NEBL: variants seen among roughly 807,000 people sequenced by gnomAD.
NEBL encodes the protein nebulette.
NEBL carries 122 observed loss-of-function variants against 140.2 expected under a neutral mutation model. That is an observed-to-expected ratio of 0.87 (90% confidence interval 0.75 to 1.01). NEBL has a LOEUF of 1.01. NEBL is among the 50% of genes least tolerant of loss of function. The pLI is 0.00. For synonymous variants in NEBL, 436 were observed against 398.9 expected (o/e 1.09, Z -1.11); for missense variants, 1,365 against 1,231.3 (o/e 1.11, Z -1.62).
intron 3 of NEBL, among the ~76,000 whole-genome samples, chr10:21,207,084 C>G (rs1253534191): frequency 4.2e-5 from 6 of 144,292 alleles, no homozygotes; most frequent in Non-Finnish European, 9.0e-5. Context: ...ACTAATTCTT[C>G]TGCCTCAGCC....
chr10:20,994,886 G>A (rs190873889), intron 3 of NEBL, among the ~76,000 whole-genome samples: 1 of 142,780 alleles, frequency 7.0e-6, no homozygotes, highest in African/African-American at 2.7e-5. Context: ...GGAGGTAGAG[G>A]GGGGGGTTGG....
chr10:21,129,489 T>C (rs1838999051), intron 2 of NEBL, among the ~76,000 whole-genome samples: 1 of 151,934 alleles, frequency 6.6e-6, no homozygotes, highest in Non-Finnish European at 1.5e-5. Context: ...TATGCTTATA[T>C]AGAGATATTT....
intron 3 of NEBL, among the ~76,000 whole-genome samples, chr10:21,214,534 CATACACACAT>C (rs1357461814): frequency 1.3e-5 from 2 of 151,174 alleles, no homozygotes; most frequent in Non-Finnish European, 3.0e-5. Context: ...ATTACACACA[CATACACACAT>C]GCACACACAT....
At chr10:21,179,419 G>GA (rs564094645), upstream of NEBL, among the ~76,000 whole-genome samples, 33 of 152,232 alleles carry the variant, frequency 2.2e-4, no homozygotes, top group South Asian at 5.0e-3. Context: ...ACTCACCAAA[G>GA]AATGCAGCGT....
chr10:21,132,351 T>C (rs943923320), intron 2 of NEBL, among the ~76,000 whole-genome samples: 1 of 152,220 alleles, frequency 6.6e-6, no homozygotes, highest in African/African-American at 2.4e-5. Context: ...TGTTCCATTG[T>C]ATAGATGTGC....
In NEBL at chr10:20,938,298, C is replaced by T. The variant is rs151242221; in HGVS notation, c.357+23374G>A. Among the ~76,000 whole-genome samples the T allele has an allele frequency of 1.2e-3, 190 of 152,324 alleles. 3 individuals are homozygous for T. The East Asian group carries it at 0.034, about 27-fold the overall frequency. ...CTGCTCACCAATGTCTGCTGTTCTG[C>T]AGCCTCCGCTGCTGATACCCAGGGA... On this transcript the variant is annotated intron_variant, in intron 4 of 6. Coordinates refer to the NEBL transcript ENST00000417816.
At chr10:20,894,232 G>A (rs1008006884) in intron 2 of NEBL, among the ~76,000 whole-genome samples, 1 of 152,234 alleles carries the variant, frequency 6.6e-6, no homozygotes, top group Non-Finnish European at 1.5e-5. Context: ...CACTCTGGGA[G>A]AACGATGCAG....
intron 2 of NEBL, among the ~76,000 whole-genome samples, chr10:21,099,197 T>G (rs1207368222): frequency 4.6e-5 from 7 of 152,342 alleles, no homozygotes; most frequent in African/African-American, 1.7e-4. Context: ...CATATCATTT[T>G]TTAAAATGAC....
At chr10:20,830,769 T>C (rs1218915453) in intron 16 of NEBL, among the ~76,000 whole-genome samples, 2 of 150,718 alleles carry the variant, frequency 1.3e-5, no homozygotes, top group Non-Finnish European at 3.0e-5. Flanking sequence ...AAGGTTAAAA[T>C]ATCCTTGGGC....
chr10:21,092,395 C>T (rs980322517), intron 2 of NEBL, among the ~76,000 whole-genome samples: 1 of 152,006 alleles, frequency 6.6e-6, no homozygotes, highest in Non-Finnish European at 1.5e-5. Context: ...GTGCAAAACC[C>T]TGTTTTTTAC....
chr10:21,102,958 G>A (rs1282705799), intron 2 of NEBL, among the ~76,000 whole-genome samples: 1 of 151,536 alleles, frequency 6.6e-6, no homozygotes, highest in African/African-American at 2.4e-5. Context: ...GCAGGTATTA[G>A]CCTAATGTTC....
chr10:21,233,517 C>A (rs1303709033), intron 3 of NEBL, among the ~76,000 whole-genome samples: 1 of 150,288 alleles, frequency 6.7e-6, no homozygotes, highest in African/African-American at 2.4e-5. Context: ...ATATCTATAT[C>A]ATATATATCT....
At chr10:20,829,088 CTAT>C (rs988218888) in intron 16 of NEBL, among the ~76,000 whole-genome samples, 5 of 151,978 alleles carry the variant, frequency 3.3e-5, no homozygotes, top group African/African-American at 1.2e-4. Flanking sequence ...CAAGCAGATA[CTAT>C]TATTATTTCC....
intron 2 of NEBL, among the ~76,000 whole-genome samples, chr10:21,078,707 A>C (rs1407478473): frequency 6.6e-6 from 1 of 152,242 alleles, no homozygotes; most frequent in Admixed American, 6.5e-5. Flanking sequence ...ATGCCAGAAG[A>C]AGGTATGTCT....
chr10:21,190,297 T>C (rs915808010), intron 3 of NEBL, among the ~76,000 whole-genome samples: 7 of 151,062 alleles, frequency 4.6e-5, no homozygotes, highest in Middle Eastern at 3.4e-3. Flanking sequence ...CTGGGCAATA[T>C]AACAAGACCC....
intron 3 of NEBL, among the ~76,000 whole-genome samples, chr10:20,976,321 G>A (rs1225493640): frequency 6.7e-6 from 1 of 149,484 alleles, no homozygotes; most frequent in Non-Finnish European, 1.5e-5. Flanking sequence ...CAGCCTGGGC[G>A]ACTGAGACTC....
intron 2 of NEBL, among the ~76,000 whole-genome samples, chr10:21,129,258 A>C (rs554032202): frequency 1.3e-5 from 2 of 152,066 alleles, no homozygotes; most frequent in South Asian, 4.1e-4. Context: ...AAAATTAAAA[A>C]ATTTTTTAAC....
chr10:21,003,705 T>C (rs1001089847), intron 3 of NEBL, among the ~76,000 whole-genome samples: 2 of 152,186 alleles, frequency 1.3e-5, no homozygotes, highest in Non-Finnish European at 2.9e-5. Context: ...ATCTTTCTAA[T>C]CAGAATAGGG....
chr10:20,808,739 A>G, intron 25 of NEBL, 80 bp from the exon 26 acceptor site: 1 of 1,432,000 alleles, frequency 7.0e-7, no homozygotes. Context: ...TTAAAAGCTT[A>G]ACAGAGAAGA....
Sources: allele counts gnomAD v4.1 joint callset (sites outside exome capture counted in the v4.1 genomes callset), GRCh38; gene constraint gnomAD v4.1.1; transcripts MANE v1.5; gene names NCBI Gene and HGNC (gene_info 2026-07-23, HGNC 2026-07-21).